PARD3B: variants seen among roughly 807,000 people sequenced by gnomAD.
The protein encoded by PARD3B is partitioning defective 3 homolog B.
PARD3B carries 103 observed loss-of-function variants against 130.2 expected under a neutral mutation model. That is an observed-to-expected ratio of 0.79 (90% CI 0.67 to 0.93). PARD3B has a LOEUF of 0.93. Among genes scored for constraint, PARD3B ranks in the 40% least tolerant of loss-of-function variants. The pLI is 0.00. For synonymous variants in PARD3B, 583 were observed against 553.2 expected, an observed-to-expected ratio of 1.05 and a Z score of -0.76; for missense variants, 1,609 against 1,499.2, an observed-to-expected ratio of 1.07 and a Z score of -1.21.
intron 3 of PARD3B, among the ~76,000 whole-genome samples, chr2:205,022,399 C>A (rs1008549940): frequency 1.3e-5 from 2 of 152,146 alleles, no homozygotes; most frequent in Non-Finnish European, 2.9e-5. Context: ...CTAGCGAAAC[C>A]AACTTAGAGT....
chr2:205,491,257 T>G (rs1216369068), intron 20 of PARD3B, among the ~76,000 whole-genome samples: 2 of 152,218 alleles, frequency 1.3e-5, no homozygotes, highest in African/African-American at 4.8e-5. Context: ...CATTTAAGTC[T>G]TTAATCCATC....
intron 1 of PARD3B, among the ~76,000 whole-genome samples, chr2:204,564,343 T>C (rs1208202936): frequency 6.6e-6 from 1 of 151,890 alleles, no homozygotes; most frequent in African/African-American, 2.4e-5. Context: ...AGTGGGAAAA[T>C]GGACAGAATT....
At chr2:205,359,832 A>G (rs567583784) in intron 18 of PARD3B, among the ~76,000 whole-genome samples, 1 of 152,296 alleles carries the variant, frequency 6.6e-6, no homozygotes, top group South Asian at 2.1e-4. Flanking sequence ...ACATCCTCAT[A>G]CGTGCCCTGT....
intron 1 of PARD3B, among the ~76,000 whole-genome samples, chr2:204,579,086 G>A (rs1243508441): frequency 6.6e-6 from 1 of 151,954 alleles, no homozygotes; most frequent in Non-Finnish European, 1.5e-5. Flanking sequence ...GGCCACTTTA[G>A]GGCAGGCTGG....
chr2:204,988,148 AG>A (rs1475908324), intron 3 of PARD3B, among the ~76,000 whole-genome samples: 3 of 152,220 alleles, frequency 2.0e-5, no homozygotes, highest in Admixed American at 2.0e-4. Flanking sequence ...GTTATGGTCA[AG>A]CCAGAGAAGA....
At position 205,544,516 on chromosome 2, in the gene PARD3B, C is replaced by T. The variant is rs556997987; in HGVS notation, c.3181-8808C>T. ...AGCCAAATTTGTAAAATTGTATCCA[C>T]AATCATAGTTTCTATGGTAACTGTA... On this transcript the variant is annotated intron_variant, in intron 21 of 22. Transcript: ENST00000406610. Among the ~76,000 whole-genome samples, 3 of 152,184 alleles carry T rather than the reference C, an allele frequency of 2.0e-5. No individual in the cohort carries two copies. In the East Asian group the frequency reaches 5.8e-4, roughly 29 times the overall value.
chr2:205,444,157 A>G lies in PARD3B; in HGVS notation c.3044+3485A>G, dbSNP rs528631579. ...GCCACCAACCCGACTAATTTTTTGT[A>G]TTTTTAGTAGAGACGGGGTTTTGCC... On this transcript the variant is annotated intron_variant, in intron 20 of 22. Transcript: ENST00000406610. Among the ~76,000 whole-genome samples, 16 of 152,240 alleles carry G rather than the reference A, an allele frequency of 1.1e-4. No individual in the cohort carries two copies. The South Asian group carries it at 2.5e-3, about 24-fold the overall frequency.
intron 22 of PARD3B, among the ~76,000 whole-genome samples, chr2:205,600,751 G>A (rs576740087): frequency 8.7e-4 from 133 of 152,272 alleles, no homozygotes; most frequent in African/African-American, 2.8e-3. Context: ...GAGAATATAC[G>A]GTGTTTGGTT....
intron 2 of PARD3B, among the ~76,000 whole-genome samples, chr2:204,737,133 A>G (rs1221405931): frequency 6.6e-6 from 1 of 152,076 alleles, no homozygotes; most frequent in Admixed American, 6.6e-5. Context: ...CACCATGCCC[A>G]GCTAATTTTT....
Position 205,091,379 on chromosome 2 carries a change from C to T in PARD3B, c.505-13047C>T, listed in dbSNP as rs1326587837. On this transcript the variant is annotated intron_variant, in intron 4 of 22. Transcript: ENST00000406610. This position sits in a 1 kb window ranked among gnomAD's most constrained non-coding sequence, Gnocchi z 4.2. ...GGAGTGATGTATTTTCAAAGAGGCT[C>T]CAGAAAAGATCGCAGCATTGGCGAC... Among the ~76,000 whole-genome samples, 4 of 151,986 alleles carry T rather than the reference C, an allele frequency of 2.6e-5. No individual in the cohort carries two copies. The highest frequency in any genetic ancestry group is 4.4e-5 in the Non-Finnish European group (3 of 68,026).
intron 20 of PARD3B, among the ~76,000 whole-genome samples, chr2:205,485,644 G>A (rs1282062410): frequency 2.0e-5 from 3 of 152,162 alleles, no homozygotes; most frequent in Non-Finnish European, 4.4e-5. Flanking sequence ...CAATTCTTCA[G>A]TGGGTCTGCA....
At chr2:204,927,797 A>T (rs922096377) in intron 2 of PARD3B, among the ~76,000 whole-genome samples, 22 of 152,100 alleles carry the variant, frequency 1.4e-4, no homozygotes, top group African/African-American at 5.3e-4. Flanking sequence ...AAGTATTAGC[A>T]GAGCATTTAG....
In PARD3B at chr2:205,291,463, G is replaced by A. The variant is rs1048391427; in HGVS notation, c.2186-9067G>A. Among the ~76,000 whole-genome samples, 3 of 152,198 alleles carry A rather than the reference G, an allele frequency of 2.0e-5. No individual in the cohort carries two copies. Among genetic ancestry groups the A allele is most frequent in the African/African-American group, 4.8e-5 (2 of 41,456 alleles). On this transcript the variant is annotated intron_variant, in intron 16 of 22. Coordinates refer to ENST00000406610, the MANE Select transcript of PARD3B (RefSeq NM_001302769.2). This position sits in a 1 kb window ranked among gnomAD's most constrained non-coding sequence, Gnocchi z 4.6. ...GGAAACTGGAGAAAAGACCATCCTC[G>A]ATATAAAGTAGCAAAGAACTTTGCT...
intron 18 of PARD3B, among the ~76,000 whole-genome samples, chr2:205,377,391 C>T (rs757817419): frequency 7.9e-5 from 12 of 152,066 alleles, no homozygotes; most frequent in Non-Finnish European, 1.8e-4. Context: ...GAAATAAGCT[C>T]CTCATGATCA....
chr2:205,443,126 A>ATTAT (rs1340404589), intron 20 of PARD3B, among the ~76,000 whole-genome samples: 2 of 152,194 alleles, frequency 1.3e-5, no homozygotes, highest in Non-Finnish European at 2.9e-5. Context: ...AATGTTAGGT[A>ATTAT]TTATCATCAT....
chr2:204,882,345 A>G lies in PARD3B; in HGVS notation c.223-82807A>G, dbSNP rs1022587826. 2.6e-5 allele frequency among the ~76,000 whole-genome samples: 4 copies of G among 152,240 alleles called. No homozygotes were observed. In the East Asian group the frequency reaches 7.7e-4, roughly 29 times the overall value. ...TAAATTCTTTAAATATTTTTTCTAG[A>G]TTACCTCTTTTGGAGGATAATAATC... On this transcript the variant is annotated intron_variant, in intron 2 of 22. Transcript: ENST00000406610.
chr2:204,557,748 C>T (rs1482519454), intron 1 of PARD3B, among the ~76,000 whole-genome samples: 1 of 152,156 alleles, frequency 6.6e-6, no homozygotes, highest in East Asian at 1.9e-4. Flanking sequence ...TTGCTGTAGG[C>T]AGTAGTTTAG....
chr2:204,770,793 A>G (rs1252380965), intron 2 of PARD3B, among the ~76,000 whole-genome samples: 2 of 151,880 alleles, frequency 1.3e-5, no homozygotes, highest in East Asian at 1.9e-4. Context: ...CCCACCTTCC[A>G]CCTGTATTAA....
intron 2 of PARD3B, among the ~76,000 whole-genome samples, chr2:204,800,800 GA>G (rs1349863741): frequency 6.6e-6 from 1 of 152,180 alleles, no homozygotes; most frequent in East Asian, 1.9e-4. Context: ...CCTATGTCCT[GA>G]ATGGTATTAC....
Sources: gnomAD v4.1 joint callset for allele counts (sites outside exome capture counted in the v4.1 genomes callset) on GRCh38, gnomAD v4.1.1 for gene constraint, Gnocchi (gnomAD v3.1) non-coding constraint, MANE v1.5 for transcripts, NCBI Gene and HGNC (gene_info 2026-07-23, HGNC 2026-07-21) for gene names.